Variants in GPHN observed in about 807,000 individuals in gnomAD.
GPHN encodes the protein gephyrin.
GPHN carries 17 observed loss-of-function variants against 95.5 expected under a neutral mutation model. That is an observed-to-expected ratio of 0.18 (90% CI 0.12 to 0.27). GPHN has a LOEUF of 0.27. Among genes scored for constraint, GPHN ranks in the 10% least tolerant of loss-of-function variants. The pLI is 1.00. For synonymous variants in GPHN, 320 were observed against 322.5 expected (o/e 0.99, Z 0.08); for missense variants, 660 against 978.1 (o/e 0.67, Z 4.34).
intron 10 of GPHN, among the ~76,000 whole-genome samples, chr14:67,056,491 G>C (rs1315533068): frequency 6.6e-6 from 1 of 152,050 alleles, no homozygotes; most frequent in Non-Finnish European, 1.5e-5. Context: ...CAATCCGCTA[G>C]CTAGACATAA....
the GPHN span, among the ~76,000 whole-genome samples, chr14:67,219,592 C>A: frequency 6.6e-6 from 1 of 152,122 alleles, no homozygotes; most frequent in East Asian, 1.9e-4. Context: ...ATAAGAATAA[C>A]TTTGTTAGGA....
intron 1 of GPHN, among the ~76,000 whole-genome samples, chr14:66,603,892 C>CT (rs1874325642): frequency 6.6e-6 from 1 of 151,954 alleles, no homozygotes. Flanking sequence ...GATTATACAT[C>CT]TTATGATTAA....
At chr14:67,338,598 T>C in the GPHN span, 1 of 1,605,580 alleles carries the variant, frequency 6.2e-7, no homozygotes. Context: ...TTAGGGTTTC[T>C]CAAAGAACCA....
chr14:67,656,797 C>G, the GPHN span, among the ~76,000 whole-genome samples: 1 of 152,116 alleles, frequency 6.6e-6, no homozygotes, highest in Admixed American at 6.5e-5. Context: ...TCACAATACC[C>G]CCACTCCACT....
At chr14:67,314,524 A>G in the GPHN span, among the ~76,000 whole-genome samples, 3 of 152,202 alleles carry the variant, frequency 2.0e-5, no homozygotes, top group Non-Finnish European at 2.9e-5. Context: ...GTGATTCTTC[A>G]GAGTAACAGT....
chr14:66,943,132 C>T (rs1034169478), intron 8 of GPHN, among the ~76,000 whole-genome samples: 3 of 152,054 alleles, frequency 2.0e-5, no homozygotes, highest in Admixed American at 6.6e-5. Context: ...TTTTTACAGT[C>T]CTTCTACCAC....
chr14:67,311,381 G>GT, the GPHN span, among the ~76,000 whole-genome samples: 1 of 150,966 alleles, frequency 6.6e-6, no homozygotes, highest in South Asian at 2.1e-4. Context: ...TTCTTAGACT[G>GT]TTTGTCTTTT....
chr14:67,692,668 A>T, the GPHN span: 1 of 1,491,194 alleles, frequency 6.7e-7, no homozygotes. Flanking sequence ...TGTTATTTCC[A>T]ACATTTTTTT....
the GPHN span, among the ~76,000 whole-genome samples, chr14:67,668,245 A>T: frequency 7.9e-5 from 12 of 152,368 alleles, 1 homozygote; most frequent in South Asian, 2.3e-3. Context: ...TTAAGAAATT[A>T]TAGCACATTA....
chr14:67,583,691 C>G, the GPHN span: 2 of 1,493,526 alleles, frequency 1.3e-6, no homozygotes, highest in Non-Finnish European at 1.8e-6. Flanking sequence ...CCCCACCTGG[C>G]CCATCCACTG....
At chr14:67,497,536 C>A in the GPHN span, among the ~76,000 whole-genome samples, 1 of 152,240 alleles carries the variant, frequency 6.6e-6, no homozygotes, top group South Asian at 2.1e-4. Flanking sequence ...AGAACTCTCC[C>A]ACATGACTTT....
At chr14:67,244,652 T>G in the GPHN span, among the ~76,000 whole-genome samples, 1 of 152,212 alleles carries the variant, frequency 6.6e-6, no homozygotes, top group African/African-American at 2.4e-5. Context: ...CTGAATAAAG[T>G]GGCTGTAAAT....
At chr14:66,991,537 C>T (rs12881886) in intron 9 of GPHN, among the ~76,000 whole-genome samples, 2 of 151,402 alleles carry the variant, frequency 1.3e-5, no homozygotes, top group Admixed American at 6.6e-5. Context: ...CACTGAGAAA[C>T]ACTTTGTTCC....
chr14:67,198,095 A>T, the GPHN span: 3 of 1,544,606 alleles, frequency 1.9e-6, no homozygotes, highest in Non-Finnish European at 2.6e-6. Context: ...TATGATATTA[A>T]ATTCTCTCTG....
the GPHN span, among the ~76,000 whole-genome samples, chr14:67,274,539 TTG>T: frequency 6.6e-6 from 1 of 152,220 alleles, no homozygotes; most frequent in Admixed American, 6.5e-5. Flanking sequence ...GTAGTATAGT[TTG>T]AAGTTGGATA....
chr14:66,517,126 C>CAAAAA (rs1171024713), intron 1 of GPHN, among the ~76,000 whole-genome samples: 3 of 31,014 alleles, frequency 9.7e-5, no homozygotes, highest in African/African-American at 2.0e-4. Context: ...GACTCCATCT[C>CAAAAA]AAAAAAAAAA....
At chr14:66,722,558 C>G (rs895633129) in intron 2 of GPHN, among the ~76,000 whole-genome samples, 5 of 152,130 alleles carry the variant, frequency 3.3e-5, no homozygotes, top group Non-Finnish European at 7.3e-5. Flanking sequence ...ATCCTCCCAC[C>G]TCATCCTTTT....
the GPHN span, chr14:67,472,861 G>A: frequency 1.5e-4 from 23 of 158,578 alleles, no homozygotes; most frequent in Non-Finnish European, 4.2e-5. Flanking sequence ...GAGGGGAGAG[G>A]AGCCAAGGGA....
intron 11 of GPHN, among the ~76,000 whole-genome samples, chr14:67,065,134 C>G (rs2075992493): frequency 6.6e-6 from 1 of 152,190 alleles, no homozygotes; most frequent in South Asian, 2.1e-4. Flanking sequence ...TACATCATGT[C>G]TTCGTTCTCA....
Sources: allele counts gnomAD v4.1 joint callset (sites outside exome capture counted in the v4.1 genomes callset), GRCh38; gene constraint gnomAD v4.1.1; transcripts MANE v1.5; gene names NCBI Gene and HGNC (gene_info 2026-07-23, HGNC 2026-07-21).